Variants in ARHGEF17 observed in about 807,000 individuals in gnomAD.
ARHGEF17 encodes 164 kDa Rho-specific guanine-nucleotide exchange factor.
Under a neutral mutation model 174.0 loss-of-function variants are expected in ARHGEF17, and 80 were observed. The ratio of observed to expected loss-of-function variants is 0.46; its 90% CI spans 0.38 to 0.55. The LOEUF (loss-of-function observed/expected upper bound fraction) is 0.55, where lower values mean the gene tolerates loss of function less well. Ranked by LOEUF, ARHGEF17 falls within the 20% of genes least tolerant of loss-of-function variation. The pLI, the probability that ARHGEF17 is intolerant of heterozygous loss-of-function variation, is 0.00. For synonymous variants in ARHGEF17, 1,311 were observed against 1,189.1 expected, an observed-to-expected ratio of 1.10 and a Z score of -2.11; for missense variants, 2,886 against 2,839.7, an observed-to-expected ratio of 1.02 and a Z score of -0.37.
intron 8 of ARHGEF17, 53 bp downstream of exon 8, chr11:73,357,187 C>G: frequency 3.7e-6 from 6 of 1,612,808 alleles, no homozygotes; most frequent in Non-Finnish European, 5.1e-6. Context: ...GCATTTGTCC[C>G]TCTCTGAGCC....
chr11:73,331,289 A>G (rs533574596), intron 1 of ARHGEF17, among the ~76,000 whole-genome samples: 125 of 152,260 alleles, frequency 8.2e-4, no homozygotes, highest in African/African-American at 3.0e-3. Flanking sequence ...TTTGGATTAG[A>G]GGTAGAGAGA....
At chr11:73,314,358 AC>A (rs1864893865) in intron 1 of ARHGEF17, among the ~76,000 whole-genome samples, 1 of 151,950 alleles carries the variant, frequency 6.6e-6, no homozygotes, top group East Asian at 1.9e-4. Flanking sequence ...GGAGTCCTTC[AC>A]CCTCAGGTCC....
intron 14 of ARHGEF17, 39 bp from the exon 15 acceptor site, chr11:73,363,167 G>A: frequency 6.7e-7 from 1 of 1,491,580 alleles, no homozygotes; most frequent in Non-Finnish European, 8.9e-7. Flanking sequence ...CCCAGGCCTG[G>A]CAGAGGGAAA....
At chr11:73,357,727 G>A (rs1232652821) in intron 9 of ARHGEF17, among the ~76,000 whole-genome samples, 1 of 152,232 alleles carries the variant, frequency 6.6e-6, no homozygotes, top group Non-Finnish European at 1.5e-5. Context: ...GCAAGCAAAG[G>A]GTTGATTGGA....
At chr11:73,327,777 C>T (rs7123300) in intron 1 of ARHGEF17, among the ~76,000 whole-genome samples, 9,631 of 152,122 alleles carry the variant, frequency 0.063, 980 homozygotes, top group African/African-American at 0.21. Context: ...CATTGAGACT[C>T]TCGGGGGACA....
At chr11:73,322,646 G>T (rs958321177) in intron 1 of ARHGEF17, among the ~76,000 whole-genome samples, 2 of 152,194 alleles carry the variant, frequency 1.3e-5, no homozygotes, top group African/African-American at 4.8e-5. Context: ...GAGGGGCAGG[G>T]AGGTCTCAGT....
At position 73,308,856 on chromosome 11, in the gene ARHGEF17, G is replaced by A. The variant is rs1226211862; in HGVS notation, c.218G>A (p.Arg73His). ...SGPLAAPAQP[R>H]PLRSLSPSVR... ...CCCCTGGCCGCCCCCGCGCAGCCGCGCCCGCTCCGCAGCCTCTCGCCGTCG... is the reference window on the plus strand; with the variant it reads ...CCCCTGGCCGCCCCCGCGCAGCCGCACCCGCTCCGCAGCCTCTCGCCGTCG... The change falls in exon 1 of 21, where the codon CGC becomes CAC. Residue 73 changes from arginine (R) to histidine (H), a missense_variant. Transcript: ENST00000263674. The A allele has an allele frequency of 1.5e-6, 2 of 1,342,736 alleles. No homozygotes were observed. Among genetic ancestry groups the A allele is most frequent in the Non-Finnish European group, 1.9e-6 (2 of 1,053,824 alleles). 83.2% of individuals were successfully genotyped at this position (1,342,736 alleles called of 1,614,324 possible).
Position 73,333,422 on chromosome 11 carries a change from C to T in ARHGEF17, c.3193-13461C>T, listed in dbSNP as rs115146120. ...TCGCTGTCCAGGCATTAGGGCTGGT[C>T]ACCATTGGTGGATAAATTCAGTAAG... On this transcript the variant is annotated intron_variant, in intron 1 of 20. Transcript: ENST00000263674. 7.5e-4 allele frequency among the ~76,000 whole-genome samples: 114 copies of T among 152,400 alleles called. 2 individuals carry two copies. Among genetic ancestry groups the T allele is most frequent in the African/African-American group, 2.6e-3 (110 of 41,600 alleles).
At chr11:73,353,387 A>G (rs1410720202) in intron 3 of ARHGEF17, 3 of 250,938 alleles carry the variant, frequency 1.2e-5, no homozygotes, top group Non-Finnish European at 2.3e-5. Context: ...TCTTTACTGG[A>G]ACCAAAATAA....
Position 73,362,083 on chromosome 11 carries a change from C to T in ARHGEF17, c.4538C>T (p.Ser1513Leu), listed in dbSNP as rs1035019659. The T allele has an allele frequency of 6.2e-7, 1 of 1,612,816 alleles. No homozygotes were observed. The highest frequency in any genetic ancestry group is 8.5e-7 in the Non-Finnish European group (1 of 1,179,916). Residue 1513 changes from serine (S) to leucine (L), a missense_variant, in exon 13 of 21, where the codon TCG (serine) becomes TTG (leucine). This residue lies in a region of ARHGEF17 where 476 missense variants were observed against 473.1 expected (regional missense o/e 1.01). Coordinates refer to ENST00000263674, the MANE Select transcript of ARHGEF17 (RefSeq NM_014786.4). The part of the protein sequence containing the change: ...APTLNSCPEP[S>L]PEVWVCNSDG... ...ACCCTGAACAGCTGCCCGGAGCCCT[C>T]GCCTGAGGTATGGGTCTGCAACAGC... is the stretch of plus-strand genomic sequence containing the variant.
At chr11:73,363,043 C>T (rs766456261) in intron 14 of ARHGEF17, among the ~76,000 whole-genome samples, 163 bp from the exon 15 acceptor site, 8 of 152,120 alleles carry the variant, frequency 5.3e-5, no homozygotes, top group East Asian at 3.9e-4. Flanking sequence ...GCTGAGCTGT[C>T]GGTGAGCAGG....
At position 73,309,642 on chromosome 11, in the gene ARHGEF17, C is replaced by A. The variant is rs1864772391; in HGVS notation, c.1004C>A (p.Ala335Asp). 1 of 1,612,990 alleles carries A rather than the reference C, an allele frequency of 6.2e-7. No homozygotes were observed. Among genetic ancestry groups the A allele is most frequent in the African/African-American group, 1.3e-5 (1 of 74,934 alleles). Residue 335 changes from alanine (A) to aspartate (D), a missense_variant, in exon 1 of 21, where the codon GCC (alanine) becomes GAC (aspartate). Transcript: ENST00000263674. ...GSPEPPTSPR[A>D]PREEGLREWG... ...CCTGAGCCCCCAACATCTCCAAGAG[C>A]CCCTAGAGAAGAAGGACTCCGGGAG...
chr11:73,308,677 C>T lies in ARHGEF17; in HGVS notation c.39C>T (p.Ser13=). The T allele has an allele frequency of 6.6e-7, 1 of 1,519,296 alleles. No homozygotes were observed. The highest frequency in any genetic ancestry group is 8.8e-7 in the Non-Finnish European group (1 of 1,136,686). 94.1% of individuals were successfully genotyped at this position (1,519,296 alleles called of 1,614,324 possible). Reference sequence around the variant, plus strand: ...CACCCCGGCCCCAGCTTTACCGCAGCGTCTCGTTCAAGCTGCTGGAGCGCT... The same window carrying T: ...CACCCCGGCCCCAGCTTTACCGCAGTGTCTCGTTCAAGCTGCTGGAGCGCT... ...DGAPRPQLYR[S]VSFKLLERWS... is the part of the protein sequence containing the mutation. The change falls in exon 1 of 21, where the codon AGC becomes AGT. Residue 13 remains serine (S), a synonymous_variant. Transcript: ENST00000263674.
chr11:73,334,510 G>A (rs893850328), intron 1 of ARHGEF17, among the ~76,000 whole-genome samples: 5 of 152,186 alleles, frequency 3.3e-5, no homozygotes, highest in African/African-American at 1.2e-4. Context: ...CTGGTGGCAT[G>A]AATAGAATTT....
chr11:73,324,207 G>A (rs1474621251), intron 1 of ARHGEF17, among the ~76,000 whole-genome samples: 1 of 152,182 alleles, frequency 6.6e-6, no homozygotes, highest in East Asian at 1.9e-4. Context: ...AGACCTCTAA[G>A]GCTCTGGGAT....
At chr11:73,318,494 G>T (rs982686576) in intron 1 of ARHGEF17, among the ~76,000 whole-genome samples, 7 of 152,176 alleles carry the variant, frequency 4.6e-5, no homozygotes, top group African/African-American at 1.7e-4. Context: ...AAACAGGTGT[G>T]GTGGCACAGA....
rs757341183 is a variant in ARHGEF17 at position 73,365,348 on chromosome 11, G to T, written c.5551-42G>T. 6.2e-7 allele frequency: 1 copy of T among 1,609,366 alleles called. No homozygotes were observed. Among genetic ancestry groups the T allele is most frequent in the South Asian group, 1.1e-5 (1 of 90,462 alleles). On this transcript the variant is annotated intron_variant, in intron 18 of 20. Coordinates refer to ENST00000263674, the MANE Select transcript of ARHGEF17 (RefSeq NM_014786.4). The surrounding 1 kb of genome is among the most constrained non-coding windows in gnomAD (Gnocchi z 4.9). ...TCCAGGCTAGGGTGGGCCAAGGGAGGCAGGCCTGCCAATGACCCATCTTCT... is the reference window on the plus strand; with the variant it reads ...TCCAGGCTAGGGTGGGCCAAGGGAGTCAGGCCTGCCAATGACCCATCTTCT...
intron 1 of ARHGEF17, among the ~76,000 whole-genome samples, chr11:73,345,316 G>A (rs1865442041): frequency 6.6e-6 from 1 of 152,112 alleles, no homozygotes; most frequent in African/African-American, 2.4e-5. Context: ...ATGGTGGGCT[G>A]GCAAGGATGG....
chr11:73,364,107 C>T (rs1865796590), intron 16 of ARHGEF17, 65 bp from the exon 17 acceptor site: 3 of 1,528,844 alleles, frequency 2.0e-6, no homozygotes, highest in South Asian at 2.3e-5. Context: ...TGTGGTTCCC[C>T]TGGTCCTGGG....
Sources: gnomAD v4.1 joint callset for allele counts (sites outside exome capture counted in the v4.1 genomes callset) on GRCh38, gnomAD v4.1.1 for gene constraint, gnomAD v4.1.1 regional missense constraint, Gnocchi (gnomAD v3.1) non-coding constraint, MANE v1.5 for transcripts, NCBI Gene and HGNC (gene_info 2026-07-23, HGNC 2026-07-21) for gene names.